ADCY2: variants seen among roughly 807,000 people sequenced by gnomAD.
The protein encoded by ADCY2 is adenylate cyclase 2.
ADCY2 carries 31 observed loss-of-function variants against 125.2 expected under a neutral mutation model. That is an observed-to-expected ratio of 0.25 (90% confidence interval 0.19 to 0.33). The LOEUF is 0.33. Ranked by LOEUF, ADCY2 falls within the 10% of genes least tolerant of loss-of-function variation. ADCY2 has a pLI of 1.00. For missense variants in ADCY2, 904 were observed against 1,418.2 expected (o/e 0.64, Z 5.82); for synonymous variants, 512 against 548.4 (o/e 0.93, Z 0.93).
intron 11 of ADCY2, among the ~76,000 whole-genome samples, chr5:7,713,503 A>G (rs1054063244): frequency 1.3e-5 from 2 of 151,348 alleles, no homozygotes; most frequent in African/African-American, 4.9e-5. Flanking sequence ...CAGAAAAAAA[A>G]AAAATAAAAA....
intron 2 of ADCY2, among the ~76,000 whole-genome samples, chr5:7,504,226 G>A (rs1182009043): frequency 6.6e-6 from 1 of 152,210 alleles, no homozygotes; most frequent in East Asian, 1.9e-4. Context: ...GAACCTGTTT[G>A]TGAAACGACA....
At chr5:7,692,936 T>C (rs185896028) in intron 5 of ADCY2, among the ~76,000 whole-genome samples, 1 of 152,224 alleles carries the variant, frequency 6.6e-6, no homozygotes, top group Non-Finnish European at 1.5e-5. Context: ...CTTTCCATAC[T>C]CATCTACTTA....
chr5:7,493,803 A>G (rs77051547), intron 2 of ADCY2, among the ~76,000 whole-genome samples: 3,306 of 152,218 alleles, frequency 0.022, 140 homozygotes, highest in African/African-American at 0.076. Flanking sequence ...GATTCATCCT[A>G]AGTAAAAGAG....
intron 3 of ADCY2, among the ~76,000 whole-genome samples, chr5:7,582,278 C>T (rs1736463339): frequency 6.6e-6 from 1 of 151,990 alleles, no homozygotes; most frequent in Admixed American, 6.6e-5. Flanking sequence ...AGATAATTAC[C>T]TGAAAACAAC....
At chr5:7,577,345 G>C (rs1326725321) in intron 3 of ADCY2, among the ~76,000 whole-genome samples, 3 of 152,124 alleles carry the variant, frequency 2.0e-5, no homozygotes, top group East Asian at 1.9e-4. Flanking sequence ...GGTCTGCAGA[G>C]GACTTTAAAC....
intron 13 of ADCY2, among the ~76,000 whole-genome samples, chr5:7,725,810 A>G (rs1420118057): frequency 6.6e-6 from 1 of 152,210 alleles, no homozygotes; most frequent in Non-Finnish European, 1.5e-5. Context: ...ATGAGCATGG[A>G]AATTATGCTG....
chr5:7,754,529 G>T (rs1742924916), intron 15 of ADCY2, among the ~76,000 whole-genome samples: 1 of 151,912 alleles, frequency 6.6e-6, no homozygotes, highest in Non-Finnish European at 1.5e-5. Context: ...TCTCTTAAAG[G>T]TACTAACTGT....
intron 6 of ADCY2, among the ~76,000 whole-genome samples, chr5:7,697,311 C>T (rs1740926011): frequency 1.3e-5 from 2 of 152,140 alleles, no homozygotes; most frequent in East Asian, 3.9e-4. Context: ...GAGTATACAC[C>T]CTCGGCTGAC....
intron 2 of ADCY2, among the ~76,000 whole-genome samples, chr5:7,419,949 A>G (rs1432946276): frequency 6.6e-6 from 1 of 152,154 alleles, no homozygotes; most frequent in African/African-American, 2.4e-5. Context: ...TGCAGAGACG[A>G]AGGCACAGGA....
intron 2 of ADCY2, among the ~76,000 whole-genome samples, chr5:7,424,102 T>G (rs1464557897): frequency 6.6e-6 from 1 of 152,250 alleles, no homozygotes; most frequent in African/African-American, 2.4e-5. Context: ...CTTTGAGACA[T>G]TTTTGCTTGC....
At chr5:7,599,492 G>A (rs1007044804) in intron 3 of ADCY2, among the ~76,000 whole-genome samples, 6 of 152,144 alleles carry the variant, frequency 3.9e-5, no homozygotes, top group Non-Finnish European at 8.8e-5. Flanking sequence ...AGGGAAGGAA[G>A]ATGGGGAATT....
In ADCY2 at chr5:7,506,789, CTTTTTTTTTTTTTTTTT is replaced by C. The variant is rs70940743; in HGVS notation, c.409-13936_409-13920del. Among the ~76,000 whole-genome samples, 297 of 55,072 alleles carry C rather than the reference CTTTTTTTTTTTTTTTTT, an allele frequency of 5.4e-3. 2 individuals carry two copies. Among genetic ancestry groups the C allele is most frequent in the African/African-American group, 0.021 (272 of 13,156 alleles). 36.1% of individuals were successfully genotyped at this position (55,072 alleles called of 152,430 possible). A position where few individuals can be genotyped will look rare whatever the true frequency, so the allele number is the denominator to read the frequency against. Reference sequence around the variant, plus strand: ...AGGGGTAAATGTGTGATGCGTTGCTCTTTTTTTTTTTTTTTTTTTTTTTTTTTTTGCTCTGTCACCCA... The same window carrying C: ...AGGGGTAAATGTGTGATGCGTTGCTCTTTTTTTTTTTTGCTCTGTCACCCA... On this transcript the variant is annotated intron_variant, in intron 2 of 24. Transcript: ENST00000338316.
chr5:7,432,134 G>A (rs1740627619), intron 2 of ADCY2, among the ~76,000 whole-genome samples: 1 of 152,054 alleles, frequency 6.6e-6, no homozygotes, highest in Admixed American at 6.5e-5. Context: ...CTTTGGAGAG[G>A]AGTCCGGCTG....
intron 2 of ADCY2, among the ~76,000 whole-genome samples, chr5:7,499,634 C>A (rs1400944241): frequency 8.8e-6 from 1 of 113,712 alleles, no homozygotes; most frequent in Non-Finnish European, 1.8e-5. Flanking sequence ...TAAAGAAGTA[C>A]ATATATGTGG....
intron 2 of ADCY2, among the ~76,000 whole-genome samples, chr5:7,515,757 C>T (rs1188609955): frequency 1.3e-5 from 2 of 152,024 alleles, no homozygotes; most frequent in African/African-American, 4.8e-5. Flanking sequence ...AGGCATCTAC[C>T]ATATGTGAGG....
At chr5:7,579,397 A>G (rs575182234) in intron 3 of ADCY2, among the ~76,000 whole-genome samples, 7 of 152,304 alleles carry the variant, frequency 4.6e-5, no homozygotes, top group African/African-American at 7.2e-5. Context: ...GTAGCTAAAT[A>G]TGAGGGAAAA....
At chr5:7,703,813 G>A (rs1391026282) in intron 7 of ADCY2, among the ~76,000 whole-genome samples, 2 of 151,848 alleles carry the variant, frequency 1.3e-5, no homozygotes, top group Admixed American at 6.6e-5. Flanking sequence ...AATTACCTTG[G>A]ACAGTATGTT....
chr5:7,580,844 C>G (rs1479948168), intron 3 of ADCY2, among the ~76,000 whole-genome samples: 4 of 152,128 alleles, frequency 2.6e-5, no homozygotes, highest in East Asian at 1.9e-4. Flanking sequence ...ACTGACAGAT[C>G]GAAGGGAAAC....
chr5:7,788,036 A>C (rs1324025669), intron 19 of ADCY2, among the ~76,000 whole-genome samples: 1 of 52,718 alleles, frequency 1.9e-5, no homozygotes, highest in Non-Finnish European at 3.8e-5. Context: ...CAGTCACACC[A>C]CTGATTTATT....
Sources: gnomAD v4.1 joint callset for allele counts (sites outside exome capture counted in the v4.1 genomes callset) on GRCh38, gnomAD v4.1.1 for gene constraint, MANE v1.5 for transcripts, NCBI Gene and HGNC (gene_info 2026-07-23, HGNC 2026-07-21) for gene names.